The following PDE8B variants were observed in gnomAD, a reference collection of about 807,000 sequenced individuals.
The protein encoded by PDE8B is high affinity cAMP-specific and IBMX-insensitive 3',5'-cyclic phosphodiesterase 8B.
A neutral mutation model predicts 101.3 loss-of-function variants in PDE8B; 26 were observed. The observed-to-expected ratio is 0.26, with a 90% CI of 0.19 to 0.36. PDE8B has a LOEUF of 0.36. PDE8B is among the 10% of genes least tolerant of loss of function. The pLI, the probability that PDE8B is intolerant of heterozygous loss-of-function variation, is 1.00. For missense variants in PDE8B, 810 were observed against 1,163.1 expected (o/e 0.70, Z 4.42); for synonymous variants, 424 against 429.3 (o/e 0.99, Z 0.15).
In PDE8B at chr5:77,426,533, G is replaced by A. The variant is rs1189789095; in HGVS notation, c.2637G>A (p.Leu879=). The change falls in exon 22 of 22, where the codon TTG becomes TTA. Residue 879 remains leucine, a synonymous_variant. Coordinates refer to ENST00000264917, the MANE Select transcript of PDE8B (RefSeq NM_003719.5). ...KTLDDLKCKS[L]RLPSDS ...TAGATGACCTAAAGTGCAAAAGTTT[G>A]AGGCTTCCATCTGACAGCTAAAGCC... 1.2e-6 allele frequency: 2 copies of A among 1,610,154 alleles called. No individual in the cohort carries two copies. The highest frequency in any genetic ancestry group is 8.5e-7 in the Non-Finnish European group (1 of 1,176,478).
chr5:77,244,222 G>A (rs1312850392), intron 1 of PDE8B, among the ~76,000 whole-genome samples: 1 of 152,110 alleles, frequency 6.6e-6, no homozygotes, highest in East Asian at 1.9e-4. Context: ...GTAAACCGGT[G>A]GCAGCAGACC....
the PDE8B span, chr5:77,114,297 G>A: frequency 2.6e-5 from 4 of 152,178 alleles, no homozygotes; most frequent in African/African-American, 9.7e-5. Context: ...TTAAGAAAAT[G>A]TGGCACATAT....
the PDE8B span, among the ~76,000 whole-genome samples, chr5:77,153,026 G>C: frequency 6.6e-6 from 1 of 152,166 alleles, no homozygotes; most frequent in Non-Finnish European, 1.5e-5. Flanking sequence ...GCAACACTTG[G>C]AGGGATTTTT....
At chr5:77,316,082 T>C (rs1000997916) in intron 2 of PDE8B, among the ~76,000 whole-genome samples, 3 of 152,124 alleles carry the variant, frequency 2.0e-5, no homozygotes, top group Non-Finnish European at 4.4e-5. Context: ...AATACTGATA[T>C]AGTTTTATTT....
At position 77,331,474 on chromosome 5, in the gene PDE8B, T is replaced by A. The variant is rs1277082069; in HGVS notation, c.708+15T>A. 1.2e-6 allele frequency: 2 copies of A among 1,602,028 alleles called. No individual in the cohort carries two copies. Among genetic ancestry groups the A allele is most frequent in the Non-Finnish European group, 1.7e-6 (2 of 1,169,342 alleles). On this transcript the variant is annotated intron_variant, in intron 5 of 21. Coordinates refer to ENST00000264917, the MANE Select transcript of PDE8B (RefSeq NM_003719.5). Reference sequence around the variant, plus strand: ...GCTTCAACAGGGTATGTACAAGATATCCAGCATCTCTCTCAGTTGCAGGCA... The same window carrying A: ...GCTTCAACAGGGTATGTACAAGATAACCAGCATCTCTCTCAGTTGCAGGCA...
intron 6 of PDE8B, among the ~76,000 whole-genome samples, chr5:77,344,287 G>A (rs1330574687): frequency 1.3e-5 from 2 of 152,222 alleles, no homozygotes; most frequent in South Asian, 4.1e-4. Context: ...ACATCATCAC[G>A]GACACGTGAG....
chr5:77,093,408 T>TA, the PDE8B span, among the ~76,000 whole-genome samples: 20 of 152,324 alleles, frequency 1.3e-4, no homozygotes, highest in African/African-American at 3.6e-4. Context: ...TACTTTTTTT[T>TA]ATTTCTATAA....
intron 10 of PDE8B, among the ~76,000 whole-genome samples, chr5:77,375,133 A>G (rs1266427437): frequency 6.6e-6 from 1 of 152,232 alleles, no homozygotes; most frequent in Non-Finnish European, 1.5e-5. Flanking sequence ...ATTGCCCCTG[A>G]TGTGGACACT....
the PDE8B span, among the ~76,000 whole-genome samples, chr5:77,123,356 T>TCCCC: frequency 5.1e-4 from 75 of 145,938 alleles, no homozygotes; most frequent in African/African-American, 1.1e-3. Flanking sequence ...GTTGAATTCC[T>TCCCC]CCCCCACCGC....
intron 1 of PDE8B, among the ~76,000 whole-genome samples, chr5:77,279,499 G>A (rs1764537351): frequency 6.6e-6 from 1 of 152,194 alleles, no homozygotes; most frequent in African/African-American, 2.4e-5. Flanking sequence ...CCCTTTAGCT[G>A]TGGCTCTCCT....
At chr5:77,162,381 G>A in the PDE8B span, among the ~76,000 whole-genome samples, 8 of 152,106 alleles carry the variant, frequency 5.3e-5, no homozygotes, top group South Asian at 1.0e-3. Context: ...AATCCCAATC[G>A]AAACCTCTAC....
the PDE8B span, among the ~76,000 whole-genome samples, chr5:77,101,957 G>A: frequency 1.3e-5 from 2 of 152,112 alleles, no homozygotes; most frequent in African/African-American, 4.8e-5. Flanking sequence ...GGTGATGGTT[G>A]CACAACAATA....
intron 10 of PDE8B, among the ~76,000 whole-genome samples, chr5:77,367,160 C>CAG (rs34215321): frequency 0.099 from 14,775 of 149,736 alleles, 993 homozygotes; most frequent in South Asian, 0.26. Context: ...TCAAAACACA[C>CAG]ACACACACAC....
chr5:77,340,706 C>A (rs1561550995), intron 6 of PDE8B, among the ~76,000 whole-genome samples: 1 of 151,736 alleles, frequency 6.6e-6, no homozygotes, highest in South Asian at 2.1e-4. Context: ...TAACCCAACA[C>A]CCTGGCCATG....
chr5:77,410,097 G>A (rs1794245898), intron 14 of PDE8B, among the ~76,000 whole-genome samples: 1 of 152,262 alleles, frequency 6.6e-6, no homozygotes, highest in South Asian at 2.1e-4. Flanking sequence ...CCCAAACTGG[G>A]GCTCAGCCCG....
chr5:77,226,435 A>C (rs2149462358), intron 1 of PDE8B, among the ~76,000 whole-genome samples: 1 of 152,288 alleles, frequency 6.6e-6, no homozygotes, highest in South Asian at 2.1e-4. Flanking sequence ...TCATAGCTGC[A>C]TAGTATACCA....
intron 2 of PDE8B, among the ~76,000 whole-genome samples, chr5:77,318,758 G>A (rs1186039848): frequency 5.3e-5 from 8 of 152,282 alleles, no homozygotes; most frequent in African/African-American, 1.9e-4. Context: ...GTATTATGCA[G>A]ACAGAGCTTA....
At chr5:77,164,577 C>A in the PDE8B span, among the ~76,000 whole-genome samples, 4 of 152,118 alleles carry the variant, frequency 2.6e-5, no homozygotes, top group African/African-American at 9.7e-5. Context: ...CTTATGGGAC[C>A]AAATGGTGAA....
intron 1 of PDE8B, among the ~76,000 whole-genome samples, chr5:77,226,589 T>C (rs1415179413): frequency 3.9e-5 from 6 of 152,358 alleles, no homozygotes; most frequent in Admixed American, 3.9e-4. Context: ...AGTCTAATTT[T>C]TTAGTACAAT....
Sources: gnomAD v4.1 joint callset for allele counts (sites outside exome capture counted in the v4.1 genomes callset) on GRCh38, gnomAD v4.1.1 for gene constraint, MANE v1.5 for transcripts, NCBI Gene and HGNC (gene_info 2026-07-23, HGNC 2026-07-21) for gene names.